The following RYR2 variants were observed in gnomAD, a reference collection of about 807,000 sequenced individuals.
The protein encoded by RYR2 is cardiac muscle ryanodine receptor-calcium release channel.
In RYR2, 227 loss-of-function variants were observed where a neutral mutation model predicts 601.1. That is an observed-to-expected ratio of 0.38 (90% CI 0.34 to 0.42). The LOEUF (loss-of-function observed/expected upper bound fraction) is 0.42, where lower values mean the gene tolerates loss of function less well. Among genes scored for constraint, RYR2 ranks in the 10% least tolerant of loss-of-function variants. The pLI is 1.00. For missense variants in RYR2, 4,646 were observed against 6,156.5 expected (o/e 0.75, Z 8.21); for synonymous variants, 2,223 against 2,175.1 (o/e 1.02, Z -0.61).
At chr1:237,672,901 T>TGATA (rs1685081964) in intron 58 of RYR2, among the ~76,000 whole-genome samples, 1 of 152,188 alleles carries the variant, frequency 6.6e-6, no homozygotes, top group Non-Finnish European at 1.5e-5. Context: ...CTTCCATGTA[T>TGATA]GATAGCACAG....
Position 237,708,931 on chromosome 1 carries a change from A to C in RYR2, c.9975A>C (p.Lys3325Asn). The C allele has an allele frequency of 6.2e-7, 1 of 1,613,056 alleles. No individual in the cohort carries two copies. Among genetic ancestry groups the C allele is most frequent in the Non-Finnish European group, 8.5e-7 (1 of 1,179,308 alleles). The stretch of plus-strand genomic sequence containing the variant: ...CTCATTTCTTGCCGTTAATGGAGAA[A>C]CTCAAGAAAAAGGCAGCTACGGTGG... The part of the protein sequence containing the change: ...LKTHFLPLME[K>N]LKKKAATVVS... Residue 3325 changes from lysine to asparagine, a missense_variant, in exon 69 of 105, where the codon AAA becomes AAC. Coordinates refer to ENST00000366574, the MANE Select transcript of RYR2 (RefSeq NM_001035.3).
intron 10 of RYR2, among the ~76,000 whole-genome samples, chr1:237,393,538 C>T (rs1352669110): frequency 6.6e-6 from 1 of 152,184 alleles, no homozygotes; most frequent in African/African-American, 2.4e-5. Flanking sequence ...TGGCCACCAC[C>T]TAGGAGGAAG....
intron 24 of RYR2, among the ~76,000 whole-genome samples, chr1:237,526,306 T>C (rs1472530227): frequency 6.6e-6 from 1 of 152,196 alleles, no homozygotes; most frequent in Non-Finnish European, 1.5e-5. Flanking sequence ...TTGTATTTCC[T>C]CTTTTGAGAA....
At chr1:237,284,683 T>TCACAC (rs141656042) in intron 2 of RYR2, among the ~76,000 whole-genome samples, 42 of 143,598 alleles carry the variant, frequency 2.9e-4, no homozygotes, top group South Asian at 2.0e-3. Flanking sequence ...TATATATATG[T>TCACAC]ACACACACAC....
chr1:237,476,200 G>C (rs1288958983), intron 17 of RYR2, among the ~76,000 whole-genome samples: 1 of 152,170 alleles, frequency 6.6e-6, no homozygotes, highest in African/African-American at 2.4e-5. Context: ...AGTCCTGTCT[G>C]GGTTTAAGCC....
At chr1:237,792,421 G>T (rs531376148) in intron 94 of RYR2, 98 bp downstream of exon 94, 1 of 750,138 alleles carries the variant, frequency 1.3e-6, no homozygotes, top group Non-Finnish European at 2.0e-6. Context: ...GTGTGTGTGT[G>T]TGTTTTGCAG....
intron 80 of RYR2, among the ~76,000 whole-genome samples, chr1:237,755,273 A>C (rs1692856534): frequency 6.6e-6 from 1 of 151,834 alleles, no homozygotes; most frequent in Non-Finnish European, 1.5e-5. Flanking sequence ...TCCATCTTCC[A>C]GTGTCTATTT....
intron 19 of RYR2, 112 bp from the exon 20 acceptor site, chr1:237,496,399 C>A: frequency 1.4e-6 from 2 of 1,446,216 alleles, no homozygotes; most frequent in Non-Finnish European, 1.9e-6. Context: ...CAGAGCAAGA[C>A]TCTGTCTCAA....
intron 29 of RYR2, among the ~76,000 whole-genome samples, chr1:237,583,116 C>G (rs1674119660): frequency 6.6e-6 from 1 of 152,054 alleles, no homozygotes; most frequent in Admixed American, 6.6e-5. Context: ...TTAATAATAG[C>G]CATTCTGACT....
At chr1:237,529,880 G>A (rs1290677410) in intron 24 of RYR2, among the ~76,000 whole-genome samples, 1 of 151,714 alleles carries the variant, frequency 6.6e-6, no homozygotes, top group Non-Finnish European at 1.5e-5. Context: ...TTTAGAGGAA[G>A]GAAACAGAAT....
At chr1:237,453,275 T>G (rs1362754594) in intron 14 of RYR2, among the ~76,000 whole-genome samples, 1 of 152,126 alleles carries the variant, frequency 6.6e-6, no homozygotes, top group African/African-American at 2.4e-5. Context: ...GTATAGAATT[T>G]CAGGCAAAAA....
intron 3 of RYR2, among the ~76,000 whole-genome samples, chr1:237,338,938 A>T (rs1697500693): frequency 6.6e-6 from 1 of 152,196 alleles, no homozygotes; most frequent in Non-Finnish European, 1.5e-5. Context: ...GTATATTATT[A>T]AAAGTAAATT....
intron 1 of RYR2, among the ~76,000 whole-genome samples, chr1:237,259,362 G>A (rs1226124058): frequency 1.3e-5 from 2 of 151,834 alleles, no homozygotes; most frequent in African/African-American, 4.8e-5. Context: ...ACAAAAATTA[G>A]CCAGGCATGG....
intron 61 of RYR2, among the ~76,000 whole-genome samples, chr1:237,679,498 G>A (rs1196766685): frequency 6.6e-6 from 1 of 152,172 alleles, no homozygotes; most frequent in Non-Finnish European, 1.5e-5. Context: ...TACTGGTAGT[G>A]CCGATCTTGT....
intron 38 of RYR2, among the ~76,000 whole-genome samples, chr1:237,619,080 C>G (rs530386223): frequency 1.3e-5 from 2 of 152,142 alleles, no homozygotes; most frequent in South Asian, 4.1e-4. Context: ...CAGAGGAAAC[C>G]AGGTGAAACA....
intron 1 of RYR2, among the ~76,000 whole-genome samples, chr1:237,238,303 C>A (rs1484754192): frequency 6.6e-6 from 1 of 152,068 alleles, no homozygotes; most frequent in Non-Finnish European, 1.5e-5. Flanking sequence ...ATCTTTGAGT[C>A]CACCTATGAC....
At chr1:237,058,605 A>C (rs1205840331) in intron 1 of RYR2, among the ~76,000 whole-genome samples, 1 of 152,200 alleles carries the variant, frequency 6.6e-6, no homozygotes, top group African/African-American at 2.4e-5. Flanking sequence ...GAGCACCTAT[A>C]ACACTTTCTC....
intron 37 of RYR2, among the ~76,000 whole-genome samples, chr1:237,615,203 T>G (rs1678334992): frequency 6.6e-6 from 1 of 152,192 alleles, no homozygotes; most frequent in Admixed American, 6.5e-5. Context: ...TGTTTTGTTC[T>G]TTTGAGACAG....
At chr1:237,574,649 G>T (rs1673044172) in intron 29 of RYR2, among the ~76,000 whole-genome samples, 2 of 152,124 alleles carry the variant, frequency 1.3e-5, no homozygotes. Flanking sequence ...AGACTGCTGT[G>T]GTATGGAGAG....
Sources: gnomAD v4.1 joint callset for allele counts (sites outside exome capture counted in the v4.1 genomes callset) on GRCh38, gnomAD v4.1.1 for gene constraint, MANE v1.5 for transcripts, NCBI Gene and HGNC (gene_info 2026-07-23, HGNC 2026-07-21) for gene names.